The following DENND2B variants were observed in gnomAD, a reference collection of about 807,000 sequenced individuals.
DENND2B encodes the protein DENN domain containing 2B, also known as DENN domain-containing protein 2B.
Under a neutral mutation model 116.0 loss-of-function variants are expected in DENND2B, and 32 were observed. That is an observed-to-expected ratio of 0.28 (90% CI 0.21 to 0.37). The LOEUF (loss-of-function observed/expected upper bound fraction) is 0.37, where lower values mean the gene tolerates loss of function less well. Ranked by LOEUF, DENND2B falls within the 10% of genes least tolerant of loss-of-function variation. The pLI, the probability that DENND2B is intolerant of heterozygous loss-of-function variation, is 1.00. For missense variants in DENND2B, 1,276 were observed against 1,477.7 expected (o/e 0.86, Z 2.24); for synonymous variants, 588 against 583.9 (o/e 1.01, Z -0.10).
rs116991715 is a variant in DENND2B, at chr11:8,826,792, C to T, written c.-115+12518G>A. Among the ~76,000 whole-genome samples, 70 of 152,336 alleles carry T rather than the reference C, an allele frequency of 4.6e-4. No individual in the cohort carries two copies. In the East Asian group the frequency reaches 0.013, roughly 28 times the overall value. Reference sequence around the variant, plus strand: ...TAACAAGACATGCACTGGGCCCATCCTATGTTTCTGCGGAAGAGAGCTAGT... The same window carrying T: ...TAACAAGACATGCACTGGGCCCATCTTATGTTTCTGCGGAAGAGAGCTAGT... On this transcript the variant is annotated intron_variant, in intron 4 of 6. Transcript: ENST00000524757.
At chr11:8,790,688 G>C (rs1266785178) in intron 1 of DENND2B, among the ~76,000 whole-genome samples, 1 of 152,168 alleles carries the variant, frequency 6.6e-6, no homozygotes, top group African/African-American at 2.4e-5. Context: ...AGGATCACTT[G>C]AGTCCAGGAG....
At chr11:8,719,104 CA>C (rs1283900681) in intron 4 of DENND2B, 2 of 985,382 alleles carry the variant, frequency 2.0e-6, no homozygotes, top group African/African-American at 1.7e-5. Context: ...CCTTACGCCC[CA>C]GAGGAACTCA....
intron 4 of DENND2B, among the ~76,000 whole-genome samples, chr11:8,819,304 A>G (rs965676419): frequency 6.6e-6 from 1 of 152,102 alleles, no homozygotes; most frequent in African/African-American, 2.4e-5. Flanking sequence ...TGAGGTGGGA[A>G]GCTCACTTGA....
intron 4 of DENND2B, among the ~76,000 whole-genome samples, chr11:8,829,278 G>T (rs912214551): frequency 1.3e-5 from 2 of 152,078 alleles, no homozygotes; most frequent in African/African-American, 4.8e-5. Context: ...AGCCGTCACT[G>T]CAATGCTGAG....
At chr11:8,711,268 C>A in intron 9 of DENND2B, 37 bp from the exon 10 acceptor site, 10 of 1,598,856 alleles carry the variant, frequency 6.3e-6, no homozygotes, top group Non-Finnish European at 8.6e-6. Context: ...GACATGGAAC[C>A]TGAGGGCGGG....
chr11:8,869,236 T>C (rs2063691001), intron 2 of DENND2B, among the ~76,000 whole-genome samples: 1 of 152,220 alleles, frequency 6.6e-6, no homozygotes, highest in Admixed American at 6.5e-5. Flanking sequence ...AAAATACTTT[T>C]AAGGTAAGAG....
chr11:8,737,816 T>C lies in DENND2B; in HGVS notation c.81-6607A>G, dbSNP rs534349926. 8.6e-5 allele frequency among the ~76,000 whole-genome samples: 13 copies of C among 152,010 alleles called. No homozygotes were observed. In the South Asian group the frequency reaches 1.7e-3, roughly 19 times the overall value. On this transcript the variant is annotated intron_variant, in intron 2 of 19. Transcript: ENST00000313726. ...GCTCTGTCGCTCAGGCTGGAGTACA[T>C]AGCTCACTGTAACCCAAAAATCCTG...
intron 1 of DENND2B, among the ~76,000 whole-genome samples, chr11:8,799,429 GC>G (rs2134397202): frequency 6.6e-6 from 1 of 152,226 alleles, no homozygotes; most frequent in East Asian, 1.9e-4. Context: ...AGATTCAAAA[GC>G]CTCAATTCTC....
intron 2 of DENND2B, among the ~76,000 whole-genome samples, chr11:8,867,832 C>T (rs2063638967): frequency 1.3e-5 from 2 of 152,144 alleles, no homozygotes. Context: ...ATCTGCCTGC[C>T]TCTGCCTCCC....
chr11:8,738,941 G>A (rs987086099), intron 2 of DENND2B, among the ~76,000 whole-genome samples: 4 of 152,090 alleles, frequency 2.6e-5, no homozygotes, highest in African/African-American at 9.7e-5. Context: ...GCCTCCACTG[G>A]GGAGACATCT....
intron 4 of DENND2B, among the ~76,000 whole-genome samples, chr11:8,836,571 G>A (rs968130705): frequency 6.6e-6 from 1 of 151,600 alleles, no homozygotes; most frequent in Non-Finnish European, 1.5e-5. Context: ...ACAGGCATTC[G>A]CCACCATACC....
In DENND2B at chr11:8,771,256, T is replaced by C. The variant is rs139950992; in HGVS notation, c.-25-20531A>G. 9.9e-3 allele frequency among the ~76,000 whole-genome samples: 1,507 copies of C among 152,112 alleles called. 21 individuals are homozygous for C. The highest frequency in any genetic ancestry group is 0.033 in the African/African-American group (1,381 of 41,472). ...AAGCTAAAATGGGTTTTAGAGCAAC[T>C]AGAGTGCTCTCAGCAGACAAGGGGA... is the stretch of plus-strand genomic sequence containing the variant. On this transcript the variant is annotated intron_variant, in intron 1 of 19. Coordinates refer to ENST00000313726, the MANE Select transcript of DENND2B (RefSeq NM_213618.2).
chr11:8,888,040 G>T (rs746117368), intron 1 of DENND2B, among the ~76,000 whole-genome samples: 1 of 152,210 alleles, frequency 6.6e-6, no homozygotes, highest in East Asian at 1.9e-4. Flanking sequence ...GTAGGAAGCT[G>T]CTGGAATGTC....
At chr11:8,743,694 T>C (rs989714411) in intron 2 of DENND2B, among the ~76,000 whole-genome samples, 6 of 152,196 alleles carry the variant, frequency 3.9e-5, no homozygotes, top group African/African-American at 1.4e-4. Context: ...TTAAAAACCT[T>C]TGTCCCATAG....
intron 3 of DENND2B, among the ~76,000 whole-genome samples, chr11:8,847,446 A>C (rs2062854419): frequency 6.6e-6 from 1 of 152,256 alleles, no homozygotes; most frequent in Admixed American, 6.5e-5. Flanking sequence ...ATTTAAAAGA[A>C]TTTCTCACAA....
chr11:8,710,945 G>A, intron 10 of DENND2B, 31 bp from the exon 11 acceptor site: 1 of 1,612,756 alleles, frequency 6.2e-7, no homozygotes, highest in East Asian at 2.2e-5. Flanking sequence ...GCATCAGGGA[G>A]GTGTGAGAGG....
chr11:8,711,323 C>T (rs2043636989), intron 9 of DENND2B, 92 bp from the exon 10 acceptor site: 5 of 1,070,578 alleles, frequency 4.7e-6, no homozygotes, highest in Non-Finnish European at 7.1e-6. Context: ...GCCCTAGATG[C>T]CACTGACTAG....
At chr11:8,811,046 G>T (rs181700715), upstream of DENND2B, 5 of 370,470 alleles carry the variant, frequency 1.3e-5, no homozygotes, top group Non-Finnish European at 2.4e-5. Flanking sequence ...TTATAACTTG[G>T]AAGAATCCCT....
intron 4 of DENND2B, among the ~76,000 whole-genome samples, chr11:8,826,647 G>C (rs576777289): frequency 1.2e-3 from 189 of 152,248 alleles, no homozygotes; most frequent in African/African-American, 4.5e-3. Context: ...CTACAGATGA[G>C]TCATACTAAA....
Sources: gnomAD v4.1 joint callset for allele counts (sites outside exome capture counted in the v4.1 genomes callset) on GRCh38, gnomAD v4.1.1 for gene constraint, MANE v1.5 for transcripts, NCBI Gene and HGNC (gene_info 2026-07-23, HGNC 2026-07-21) for gene names.